Variants in GNA14 observed in about 807,000 individuals in gnomAD.
The protein encoded by GNA14 is G protein subunit alpha 14.
GNA14 carries 50 observed loss-of-function variants against 42.0 expected under a neutral mutation model. The observed-to-expected ratio is 1.19, with a 90% CI of 0.95 to 1.51. The LOEUF (loss-of-function observed/expected upper bound fraction) is 1.51. Ranked by LOEUF, GNA14 falls within the 40% of genes most tolerant of loss-of-function variation. GNA14 has a pLI of 0.00. For synonymous variants in GNA14, 173 were observed against 163.1 expected, an observed-to-expected ratio of 1.06 and a Z score of -0.46; for missense variants, 473 against 446.2, an observed-to-expected ratio of 1.06 and a Z score of -0.54.
intron 2 of GNA14, among the ~76,000 whole-genome samples, chr9:77,502,703 A>T (rs1229032485): frequency 6.6e-6 from 1 of 152,090 alleles, no homozygotes; most frequent in Non-Finnish European, 1.5e-5. Context: ...TCTTCGTGGG[A>T]ATGTGAGTCT....
At chr9:77,519,901 T>C (rs1381567968) in intron 2 of GNA14, among the ~76,000 whole-genome samples, 1 of 152,034 alleles carries the variant, frequency 6.6e-6, no homozygotes, top group Non-Finnish European at 1.5e-5. Context: ...TCCCAGCTAC[T>C]CGGGGGACTG....
chr9:77,515,042 A>G (rs1837229274), intron 2 of GNA14, among the ~76,000 whole-genome samples: 1 of 152,172 alleles, frequency 6.6e-6, no homozygotes, highest in South Asian at 2.1e-4. Flanking sequence ...GGAAACCACA[A>G]TCCAATAGGG....
At chr9:77,549,658 A>G (rs975737993) in intron 1 of GNA14, among the ~76,000 whole-genome samples, 1 of 152,176 alleles carries the variant, frequency 6.6e-6, no homozygotes, top group African/African-American at 2.4e-5. Flanking sequence ...CAGAAAATGA[A>G]AGGCCCAGTG....
chr9:77,581,964 G>C (rs1054021050), intron 1 of GNA14, among the ~76,000 whole-genome samples: 1 of 152,166 alleles, frequency 6.6e-6, no homozygotes, highest in Non-Finnish European at 1.5e-5. Flanking sequence ...CTCTTAAATT[G>C]TAACACCCTT....
intron 1 of GNA14, among the ~76,000 whole-genome samples, chr9:77,537,413 G>T (rs543638490): frequency 6.6e-6 from 1 of 152,056 alleles, no homozygotes; most frequent in Non-Finnish European, 1.5e-5. Context: ...ACATGATTTC[G>T]TTCTTTTTCT....
intron 1 of GNA14, among the ~76,000 whole-genome samples, chr9:77,598,896 G>A (rs964481868): frequency 7.9e-5 from 12 of 152,160 alleles, no homozygotes; most frequent in Non-Finnish European, 7.3e-5. Flanking sequence ...TCAATACCAT[G>A]ATCCAGTCAT....
intron 1 of GNA14, among the ~76,000 whole-genome samples, chr9:77,546,085 C>A (rs1019213225): frequency 6.6e-6 from 1 of 151,678 alleles, no homozygotes; most frequent in Non-Finnish European, 1.5e-5. Flanking sequence ...GGCGTGGTGG[C>A]GGGTGCCTGT....
intron 2 of GNA14, among the ~76,000 whole-genome samples, chr9:77,486,990 G>A (rs1836671493): frequency 6.7e-6 from 1 of 149,110 alleles, no homozygotes; most frequent in African/African-American, 2.5e-5. Flanking sequence ...CTTGCTCAAT[G>A]TAGTGTTACC....
intron 1 of GNA14, among the ~76,000 whole-genome samples, chr9:77,607,939 T>C (rs142857317): frequency 1.1e-3 from 165 of 152,246 alleles, no homozygotes; most frequent in African/African-American, 3.8e-3. Context: ...TAACATTACA[T>C]TGAGGGTTAA....
At chr9:77,563,080 T>G (rs1365078253) in intron 1 of GNA14, among the ~76,000 whole-genome samples, 1 of 152,176 alleles carries the variant, frequency 6.6e-6, no homozygotes. Flanking sequence ...TTCACACAAA[T>G]GTAATTCAGT....
At chr9:77,581,688 T>C (rs1272137233) in intron 1 of GNA14, among the ~76,000 whole-genome samples, 3 of 152,212 alleles carry the variant, frequency 2.0e-5, no homozygotes, top group African/African-American at 7.2e-5. Flanking sequence ...GGCAGGTCAC[T>C]GAAGTTGTAT....
chr9:77,599,348 A>C (rs1823517004), intron 1 of GNA14, among the ~76,000 whole-genome samples: 1 of 152,192 alleles, frequency 6.6e-6, no homozygotes. Context: ...AAAGCCACAG[A>C]ACGGAGAATT....
At chr9:77,441,363 G>A (rs1835732018) in intron 2 of GNA14, among the ~76,000 whole-genome samples, 1 of 152,134 alleles carries the variant, frequency 6.6e-6, no homozygotes, top group South Asian at 2.1e-4. Flanking sequence ...TGCCTGTGAA[G>A]AAGGTGCCTG....
At chr9:77,608,941 AT>A (rs1823686470) in intron 1 of GNA14, among the ~76,000 whole-genome samples, 1 of 151,940 alleles carries the variant, frequency 6.6e-6, no homozygotes, top group African/African-American at 2.4e-5. Context: ...CTTCATTCAC[AT>A]CCATACTATC....
chr9:77,442,705 C>T (rs1039983366), intron 2 of GNA14, among the ~76,000 whole-genome samples: 1 of 152,212 alleles, frequency 6.6e-6, no homozygotes, highest in Non-Finnish European at 1.5e-5. Context: ...CCTCCAGACA[C>T]CTGGCAGAAG....
At chr9:77,566,402 G>A (rs754117865) in intron 1 of GNA14, among the ~76,000 whole-genome samples, 53 of 151,966 alleles carry the variant, frequency 3.5e-4, no homozygotes, top group Admixed American at 7.2e-4. Flanking sequence ...TGATCTGCCC[G>A]CCTCAGCCTC....
At chr9:77,498,203 G>A (rs1008465691) in intron 2 of GNA14, among the ~76,000 whole-genome samples, 10 of 151,958 alleles carry the variant, frequency 6.6e-5, no homozygotes, top group Admixed American at 1.3e-4. Context: ...GAGAAACTCC[G>A]CCTCTGCTAA....
At chr9:77,428,083 CTT>C (rs975674188) in intron 5 of GNA14, among the ~76,000 whole-genome samples, 2 of 114,680 alleles carry the variant, frequency 1.7e-5, no homozygotes, top group African/African-American at 3.3e-5. Context: ...TTTTTTTTTT[CTT>C]TTTTTTTTTT....
chr9:77,547,296 A>G (rs937390422), intron 1 of GNA14, among the ~76,000 whole-genome samples: 1 of 152,216 alleles, frequency 6.6e-6, no homozygotes, highest in African/African-American at 2.4e-5. Context: ...TGTGTTAATT[A>G]TATCTCCAGT....
Sources: gnomAD v4.1 joint callset for allele counts (sites outside exome capture counted in the v4.1 genomes callset) on GRCh38, gnomAD v4.1.1 for gene constraint, MANE v1.5 for transcripts, NCBI Gene and HGNC (gene_info 2026-07-23, HGNC 2026-07-21) for gene names.